The following PCDH15 variants were observed in gnomAD, a reference collection of about 807,000 sequenced individuals.
PCDH15 encodes the protein protocadherin-15.
In PCDH15, 129 loss-of-function variants were observed where a neutral mutation model predicts 178.5. The observed-to-expected ratio is 0.72, with a 90% CI of 0.63 to 0.84. The LOEUF (loss-of-function observed/expected upper bound fraction) is 0.84, where lower values mean the gene tolerates loss of function less well. Ranked by LOEUF, PCDH15 falls within the 40% of genes least tolerant of loss-of-function variation. PCDH15 has a pLI of 0.00. For synonymous variants in PCDH15, 800 were observed against 732.0 expected, an observed-to-expected ratio of 1.09 and a Z score of -1.50; for missense variants, 2,230 against 2,099.9, an observed-to-expected ratio of 1.06 and a Z score of -1.21.
intron 1 of PCDH15, among the ~76,000 whole-genome samples, chr10:55,181,321 C>T (rs769873898): frequency 6.6e-6 from 1 of 151,840 alleles, no homozygotes; most frequent in Non-Finnish European, 1.5e-5. Flanking sequence ...TGCTTATGAC[C>T]ATTAAACAAA....
chr10:55,573,651 G>A (rs1446504976), intron 2 of PCDH15, among the ~76,000 whole-genome samples: 2 of 151,872 alleles, frequency 1.3e-5, no homozygotes, highest in Non-Finnish European at 2.9e-5. Context: ...AAGAAAATTC[G>A]AATTAGTAAT....
chr10:54,680,159 A>G (rs1263556467), intron 1 of PCDH15, among the ~76,000 whole-genome samples: 3 of 152,288 alleles, frequency 2.0e-5, no homozygotes, highest in Middle Eastern at 3.4e-3. Flanking sequence ...GGACAGATGT[A>G]CTGTGGTAAA....
intron 16 of PCDH15, among the ~76,000 whole-genome samples, chr10:54,083,713 G>T (rs10825225): frequency 0.81 from 123,376 of 152,136 alleles, 50,658 homozygotes; most frequent in African/African-American, 0.93. Flanking sequence ...GAGTTGGTAG[G>T]TGCATGAGTT....
chr10:54,597,984 A>G (rs1264275704), intron 2 of PCDH15, among the ~76,000 whole-genome samples: 2 of 152,148 alleles, frequency 1.3e-5, no homozygotes, highest in Non-Finnish European at 2.9e-5. Flanking sequence ...AAATTGAATC[A>G]GTAATAAACA....
intron 2 of PCDH15, among the ~76,000 whole-genome samples, chr10:55,017,868 T>C (rs796883238): frequency 2.8e-4 from 42 of 152,240 alleles, no homozygotes; most frequent in African/African-American, 8.4e-4. Flanking sequence ...AGTGAGATGA[T>C]GGGAAAAGTG....
At chr10:54,369,338 A>C in intron 4 of PCDH15, 63 bp from the exon 5 acceptor site, 1 of 1,439,614 alleles carries the variant, frequency 6.9e-7, no homozygotes, top group South Asian at 1.2e-5. Flanking sequence ...CATCACTGTC[A>C]AAGCACTCGT....
chr10:54,874,218 C>T (rs368834753), intron 3 of PCDH15, among the ~76,000 whole-genome samples: 325 of 128,596 alleles, frequency 2.5e-3, no homozygotes, highest in East Asian at 6.0e-3. Flanking sequence ...TGAGAATATG[C>T]GGTGTTTGGT....
chr10:54,045,341 C>T (rs1018290909), intron 18 of PCDH15, among the ~76,000 whole-genome samples: 6 of 152,012 alleles, frequency 3.9e-5, no homozygotes, highest in African/African-American at 1.4e-4. Context: ...AGTAAGGGTC[C>T]CATTAAACCA....
intron 26 of PCDH15, among the ~76,000 whole-genome samples, chr10:53,875,113 AAGAG>A (rs150645904): frequency 1.9e-3 from 292 of 152,182 alleles, no homozygotes; most frequent in Non-Finnish European, 3.5e-3. Flanking sequence ...GAGTTTCAGA[AAGAG>A]AGAAAGCGAG....
chr10:53,868,243 A>G (rs1447442261), intron 26 of PCDH15, among the ~76,000 whole-genome samples: 1 of 151,752 alleles, frequency 6.6e-6, no homozygotes, highest in African/African-American at 2.4e-5. Flanking sequence ...TTATTATCCG[A>G]TTATTCTTAT....
At chr10:54,831,815 G>A (rs1262822566) in intron 3 of PCDH15, among the ~76,000 whole-genome samples, 1 of 151,906 alleles carries the variant, frequency 6.6e-6, no homozygotes, top group Admixed American at 6.6e-5. Flanking sequence ...ATTGGCCACC[G>A]TACTTCACTA....
At chr10:55,512,388 T>C (rs573635100) in intron 2 of PCDH15, among the ~76,000 whole-genome samples, 1 of 152,230 alleles carries the variant, frequency 6.6e-6, no homozygotes, top group South Asian at 2.1e-4. Context: ...GCTCCTAGAA[T>C]GCACTTCCAC....
At chr10:55,235,641 T>C (rs757152098) in intron 1 of PCDH15, among the ~76,000 whole-genome samples, 1 of 152,022 alleles carries the variant, frequency 6.6e-6, no homozygotes, top group Non-Finnish European at 1.5e-5. Context: ...GAGCGGTGGC[T>C]CAGGCCTGTA....
intron 2 of PCDH15, among the ~76,000 whole-genome samples, chr10:55,413,267 C>T (rs1291026446): frequency 1.3e-5 from 2 of 150,980 alleles, no homozygotes; most frequent in Admixed American, 1.3e-4. Flanking sequence ...ATTGTTTGTT[C>T]CACATTTTCA....
At chr10:55,220,719 C>T (rs1479015811) in intron 1 of PCDH15, among the ~76,000 whole-genome samples, 1 of 152,096 alleles carries the variant, frequency 6.6e-6, no homozygotes, top group South Asian at 2.1e-4. Flanking sequence ...TGATCATATA[C>T]ACAATCTGTT....
intron 26 of PCDH15, among the ~76,000 whole-genome samples, chr10:53,871,530 T>C (rs2079855670): frequency 6.6e-6 from 1 of 151,030 alleles, no homozygotes; most frequent in Admixed American, 6.6e-5. Context: ...ACTATTATAG[T>C]TACCTAAGTT....
At chr10:53,958,596 C>A (rs1414707132) in intron 23 of PCDH15, among the ~76,000 whole-genome samples, 6 of 152,034 alleles carry the variant, frequency 3.9e-5, no homozygotes, top group Non-Finnish European at 4.4e-5. Flanking sequence ...AAGGCAGCTG[C>A]CTATTAAGAC....
At chr10:54,645,422 C>T (rs566876362) in intron 2 of PCDH15, among the ~76,000 whole-genome samples, 11 of 150,916 alleles carry the variant, frequency 7.3e-5, no homozygotes, top group Non-Finnish European at 1.0e-4. Flanking sequence ...CACCCACACA[C>T]GAATGAAAAA....
At chr10:54,118,310 A>G (rs1472845824) in intron 15 of PCDH15, among the ~76,000 whole-genome samples, 3 of 152,180 alleles carry the variant, frequency 2.0e-5, no homozygotes, top group African/African-American at 7.2e-5. Flanking sequence ...CTATTAAATC[A>G]GCTGGCTAGC....
Sources: allele counts gnomAD v4.1 joint callset (sites outside exome capture counted in the v4.1 genomes callset), GRCh38; gene constraint gnomAD v4.1.1; transcripts MANE v1.5; gene names NCBI Gene and HGNC (gene_info 2026-07-23, HGNC 2026-07-21).